ARHGAP22: variants seen among roughly 807,000 people sequenced by gnomAD.
ARHGAP22 encodes Rho GTPase activating protein 22.
ARHGAP22 carries 48 observed loss-of-function variants against 59.1 expected under a neutral mutation model. The observed-to-expected ratio is 0.81, with a 90% CI of 0.64 to 1.03. The LOEUF is 1.03. ARHGAP22 is among the 50% of genes least tolerant of loss of function. The pLI is 0.00. For missense variants in ARHGAP22, 1,015 were observed against 958.7 expected (o/e 1.06, Z -0.78); for synonymous variants, 445 against 416.4 (o/e 1.07, Z -0.84).
At chr10:48,491,451 C>T (rs1260609976) in intron 3 of ARHGAP22, among the ~76,000 whole-genome samples, 1 of 152,228 alleles carries the variant, frequency 6.6e-6, no homozygotes, top group Non-Finnish European at 1.5e-5. Flanking sequence ...CCTTCTTGGC[C>T]TGAATTTTTT....
At chr10:48,652,431 T>C in exon 1 of ARHGAP22, 1 of 688,038 alleles carries the variant, frequency 1.5e-6, no homozygotes, top group Non-Finnish European at 2.4e-6. Context: ...ATGCCCTTTA[T>C]CTGGTATTTT....
At chr10:48,591,747 C>A (rs951772706) in intron 1 of ARHGAP22, among the ~76,000 whole-genome samples, 10 of 151,960 alleles carry the variant, frequency 6.6e-5, no homozygotes, top group African/African-American at 2.4e-4. Flanking sequence ...GGTGGTGTGC[C>A]CCTGTGGTCC....
intron 3 of ARHGAP22, among the ~76,000 whole-genome samples, chr10:48,542,706 G>A (rs1041228809): frequency 1.2e-4 from 18 of 152,218 alleles, no homozygotes; most frequent in Non-Finnish European, 2.4e-4. Context: ...GCTCAGGGTC[G>A]GCAGTGCCAG....
Position 48,519,739 on chromosome 10 carries a change from C to A in ARHGAP22, c.322+35724G>T, listed in dbSNP as rs61841176. Among the ~76,000 whole-genome samples the A allele has an allele frequency of 3.6e-3, 544 of 152,330 alleles. 3 individuals are homozygous for A. The highest frequency in any genetic ancestry group is 6.4e-3 in the Non-Finnish European group (433 of 68,032). ...GCCCAGGCTCGACTGCCCTCAGGCC[C>A]ATTTGATGGCATCTTGAGAGGAAGT... On this transcript the variant is annotated intron_variant, in intron 3 of 9. Coordinates refer to ENST00000249601, the MANE Select transcript of ARHGAP22 (RefSeq NM_021226.4).
At chr10:48,482,647 GT>G (rs144225680) in intron 3 of ARHGAP22, among the ~76,000 whole-genome samples, 5 of 151,854 alleles carry the variant, frequency 3.3e-5, no homozygotes, top group Admixed American at 1.3e-4. Flanking sequence ...TTGCTGAGAG[GT>G]TTTTTTTATT....
chr10:48,509,671 C>A (rs1023127139), intron 3 of ARHGAP22, among the ~76,000 whole-genome samples: 1 of 152,112 alleles, frequency 6.6e-6, no homozygotes, highest in East Asian at 1.9e-4. Flanking sequence ...CCCCGCACAG[C>A]CCCATCCTCC....
chr10:48,551,007 C>T (rs935266), intron 3 of ARHGAP22, among the ~76,000 whole-genome samples: 1 of 152,132 alleles, frequency 6.6e-6, no homozygotes, highest in Non-Finnish European at 1.5e-5. Context: ...GTGGCCCTCA[C>T]GGACTGGGGT....
At chr10:48,619,732 A>G (rs1040550605) in intron 1 of ARHGAP22, among the ~76,000 whole-genome samples, 1 of 152,220 alleles carries the variant, frequency 6.6e-6, no homozygotes, top group African/African-American at 2.4e-5. Context: ...TAAGACCTAA[A>G]ATTATAAAAC....
At position 48,605,061 on chromosome 10, in the gene ARHGAP22, C is replaced by T. The variant is rs2060606783; in HGVS notation, c.-265G>A. ...ACCATTAAAGCCTCAGTAATCACTG[C>T]TGATCAATCACTGGACCAGGGCGGG... On this transcript the variant is annotated 5_prime_UTR_variant, in exon 1 of 10. Transcript: ENST00000249601. 1.4e-6 allele frequency: 2 copies of T among 1,392,416 alleles called. No homozygotes were observed. Among genetic ancestry groups the T allele is most frequent in the Admixed American group, 2.9e-5 (1 of 33,920 alleles). 86.3% of individuals were successfully genotyped at this position (1,392,416 alleles called of 1,614,324 possible).
chr10:48,466,769 C>A (rs1283321813), intron 4 of ARHGAP22: 1 of 151,616 alleles, frequency 6.6e-6, no homozygotes, highest in Non-Finnish European at 1.5e-5. Context: ...GCCAGCGCCG[C>A]CCCAGGCCCG....
At chr10:48,531,393 C>T (rs931895742) in intron 3 of ARHGAP22, among the ~76,000 whole-genome samples, 2 of 152,152 alleles carry the variant, frequency 1.3e-5, no homozygotes, top group African/African-American at 4.8e-5. Context: ...GTAATAAACA[C>T]CACATGTTCC....
chr10:48,527,922 C>A (rs532296223), intron 3 of ARHGAP22, among the ~76,000 whole-genome samples: 5 of 152,314 alleles, frequency 3.3e-5, no homozygotes, highest in Non-Finnish European at 7.4e-5. Flanking sequence ...GAGATAGAAC[C>A]AGGGGGTGGA....
intron 3 of ARHGAP22, among the ~76,000 whole-genome samples, chr10:48,514,207 TAGA>T (rs2053071491): frequency 6.6e-6 from 1 of 151,998 alleles, no homozygotes; most frequent in Non-Finnish European, 1.5e-5. Flanking sequence ...ATGAGAGTCC[TAGA>T]AGGAGAGGGG....
intron 4 of ARHGAP22, among the ~76,000 whole-genome samples, chr10:48,469,443 T>C (rs1241582364): frequency 1.3e-5 from 2 of 152,216 alleles, no homozygotes; most frequent in Non-Finnish European, 2.9e-5. Context: ...GCCTCTTCAC[T>C]CTGGATGGTC....
At chr10:48,519,798 G>A (rs1327571721) in intron 3 of ARHGAP22, among the ~76,000 whole-genome samples, 1 of 152,216 alleles carries the variant, frequency 6.6e-6, no homozygotes, top group Non-Finnish European at 1.5e-5. Context: ...GTGGTCTGGG[G>A]AGCCTGGGAG....
rs189867915 is a variant in ARHGAP22, at chr10:48,503,003, G to A, written c.323-23239C>T. ...CATCCTCTCAGCCACCTCCACCCAC[G>A]GCTTGGGCTCGCCTGGCTCTGAGGC... On this transcript the variant is annotated intron_variant, in intron 3 of 9. Coordinates refer to ENST00000249601, the MANE Select transcript of ARHGAP22 (RefSeq NM_021226.4). Among the ~76,000 whole-genome samples the A allele has an allele frequency of 1.9e-4, 29 of 152,322 alleles. No homozygotes were observed. In the East Asian group the frequency reaches 5.2e-3, roughly 27 times the overall value.
chr10:48,479,817 C>T (rs1454272878), intron 3 of ARHGAP22, 53 bp from the exon 4 acceptor site: 2 of 1,479,620 alleles, frequency 1.4e-6, no homozygotes, highest in East Asian at 2.4e-5. Context: ...GCAGCACACT[C>T]TCCACCGCCG....
intron 1 of ARHGAP22, among the ~76,000 whole-genome samples, chr10:48,640,936 T>C (rs908041605): frequency 3.3e-5 from 5 of 152,154 alleles, no homozygotes; most frequent in Non-Finnish European, 5.9e-5. Flanking sequence ...GGATTATAAA[T>C]GTTATATATG....
intron 1 of ARHGAP22, among the ~76,000 whole-genome samples, chr10:48,643,769 A>G (rs1229882378): frequency 6.7e-6 from 1 of 148,920 alleles, no homozygotes; most frequent in African/African-American, 2.5e-5. Context: ...AAAAAAATAT[A>G]TATATATATA....
Sources: gnomAD v4.1 joint callset for allele counts (sites outside exome capture counted in the v4.1 genomes callset) on GRCh38, gnomAD v4.1.1 for gene constraint, MANE v1.5 for transcripts, NCBI Gene and HGNC (gene_info 2026-07-23, HGNC 2026-07-21) for gene names.